Variants in CTCF observed in about 807,000 individuals in gnomAD.
CTCF encodes CCCTC-binding factor, also known as transcriptional repressor CTCF.
In CTCF, 7 loss-of-function variants were observed where a neutral mutation model predicts 72.3. The ratio of observed to expected loss-of-function variants is 0.10; its 90% confidence interval spans 0.06 to 0.18. CTCF has a LOEUF of 0.18. Among genes scored for constraint, CTCF ranks in the 10% least tolerant of loss-of-function variants. CTCF has a pLI of 1.00. For missense variants in CTCF, 516 were observed against 949.1 expected (o/e 0.54, Z 6.00); for synonymous variants, 374 against 315.8 (o/e 1.18, Z -1.95).
intron 2 of CTCF, among the ~76,000 whole-genome samples, chr16:67,610,350 C>CTTTTTTTTTTTTT (rs1158978403): frequency 8.2e-6 from 1 of 121,386 alleles, no homozygotes; most frequent in Non-Finnish European, 1.7e-5. Flanking sequence ...TTTTCTTTTT[C>CTTTTTTTTTTTTT]TTTTTTTTTT....
intron 2 of CTCF, among the ~76,000 whole-genome samples, chr16:67,583,951 A>G (rs1346834438): frequency 1.3e-5 from 2 of 152,166 alleles, no homozygotes; most frequent in Non-Finnish European, 1.5e-5. Flanking sequence ...AGTGGTGTGC[A>G]TAGCGAAAAC....
intron 2 of CTCF, among the ~76,000 whole-genome samples, chr16:67,574,129 C>A (rs185379184): frequency 3.5e-4 from 53 of 152,196 alleles, no homozygotes; most frequent in Admixed American, 3.5e-3. Context: ...ACCATCTACC[C>A]AAGATGGTGT....
At chr16:67,611,738 T>A (rs1290572213) in intron 3 of CTCF, 125 bp downstream of exon 3, 2 of 1,058,556 alleles carry the variant, frequency 1.9e-6, no homozygotes, top group Non-Finnish European at 1.4e-6. Context: ...GTACCGTTCT[T>A]TAAAACCAGT....
chr16:67,636,165 C>A (rs2052425129), intron 10 of CTCF, among the ~76,000 whole-genome samples: 1 of 152,116 alleles, frequency 6.6e-6, no homozygotes, highest in South Asian at 2.1e-4. Context: ...CACCTGAGGT[C>A]AGGAATTCAA....
chr16:67,625,277 GC>G (rs577655406), intron 7 of CTCF, among the ~76,000 whole-genome samples: 122 of 151,936 alleles, frequency 8.0e-4, no homozygotes, highest in African/African-American at 2.8e-3. Flanking sequence ...TGCAACCTCT[GC>G]CCCCCAGGTT....
At chr16:67,615,760 A>G (rs1429386947) in intron 4 of CTCF, 2 of 152,228 alleles carry the variant, frequency 1.3e-5, no homozygotes, top group African/African-American at 4.8e-5. Flanking sequence ...AAAGAATCGA[A>G]TGAACAAATG....
At chr16:67,604,840 A>G (rs2051951871) in intron 2 of CTCF, among the ~76,000 whole-genome samples, 1 of 144,474 alleles carries the variant, frequency 6.9e-6, no homozygotes, top group African/African-American at 2.6e-5. Flanking sequence ...TTATATTTCT[A>G]TTGAACAGTG....
intron 2 of CTCF, among the ~76,000 whole-genome samples, chr16:67,591,922 A>C (rs975233485): frequency 6.6e-6 from 1 of 151,950 alleles, no homozygotes; most frequent in Non-Finnish European, 1.5e-5. Flanking sequence ...TATGTTGCTC[A>C]GGCTGGTCTT....
intron 10 of CTCF, chr16:67,635,553 G>C (rs908732091): frequency 6.6e-6 from 1 of 151,348 alleles, no homozygotes; most frequent in African/African-American, 2.4e-5. Context: ...TGCAGTGGCG[G>C]ATCTCAGCTC....
chr16:67,623,977 G>A (rs1431049468), intron 7 of CTCF, among the ~76,000 whole-genome samples: 1 of 151,604 alleles, frequency 6.6e-6, no homozygotes, highest in African/African-American at 2.4e-5. Context: ...CAATCCGGGA[G>A]GGGGAGGTTG....
Position 67,607,058 on chromosome 16 carries a change from G to A in CTCF, c.-9-3766G>A, listed in dbSNP as rs578113798. ...TGCAACCTCCACCTCCCAGGTTCAA[G>A]CAATTCTTCTGCCTCGGCCTCCTGA... is the stretch of plus-strand genomic sequence containing the variant. On this transcript the variant is annotated intron_variant, in intron 2 of 11. Transcript: ENST00000264010. Among the ~76,000 whole-genome samples the A allele has an allele frequency of 3.6e-4, 55 of 152,018 alleles. No individual in the cohort carries two copies. The South Asian group carries it at 6.9e-3, about 19-fold the overall frequency.
intron 2 of CTCF, 76 bp from the exon 3 acceptor site, chr16:67,610,748 T>C (rs1461919225): frequency 1.1e-5 from 12 of 1,122,650 alleles, no homozygotes; most frequent in Non-Finnish European, 1.5e-5. Context: ...CCAAAGGGTC[T>C]TTTTGTTTTA....
intron 8 of CTCF, chr16:67,628,033 T>C (rs1269019536): frequency 4.9e-6 from 1 of 202,124 alleles, no homozygotes; most frequent in Non-Finnish European, 9.8e-6. Flanking sequence ...AGGTGGAGGT[T>C]GCAGCGAGCC....
chr16:67,582,430 T>C (rs949764502), intron 2 of CTCF, among the ~76,000 whole-genome samples: 9 of 152,076 alleles, frequency 5.9e-5, no homozygotes, highest in Non-Finnish European at 1.2e-4. Context: ...GGGTGGCTCA[T>C]GCCTGTAATC....
At chr16:67,616,686 ACT>A (rs2052135800) in intron 4 of CTCF, 57 bp from the exon 5 acceptor site, 2 of 1,593,732 alleles carry the variant, frequency 1.3e-6, no homozygotes, top group Non-Finnish European at 1.7e-6. Flanking sequence ...CACACATTGA[ACT>A]CTGTCATTAA....
chr16:67,579,633 C>T (rs183509577), intron 2 of CTCF, among the ~76,000 whole-genome samples: 58 of 152,226 alleles, frequency 3.8e-4, no homozygotes, highest in Non-Finnish European at 7.5e-4. Context: ...GCCCTGGCCT[C>T]CCAACTGCCC....
chr16:67,613,981 G>A (rs1209674728), intron 4 of CTCF, among the ~76,000 whole-genome samples: 1 of 152,080 alleles, frequency 6.6e-6, no homozygotes, highest in Non-Finnish European at 1.5e-5. Flanking sequence ...ATCAGTTTAT[G>A]GTGAGGAGTA....
At position 67,569,272 on chromosome 16, in the gene CTCF, G is replaced by A. The variant is rs189043186; in HGVS notation, c.-126-1876G>A. Among the ~76,000 whole-genome samples, 350 of 151,938 alleles carry A rather than the reference G, an allele frequency of 2.3e-3. 9 individuals carry two copies. The Middle Eastern group carries it at 0.044, about 19-fold the overall frequency. ...CACGATCTTGGCTCATTGCAGCTCC[G>A]CCTCCTGGGTTCAAACGATTCTCCT... is the stretch of plus-strand genomic sequence containing the variant. On this transcript the variant is annotated intron_variant, in intron 1 of 11. Coordinates refer to ENST00000264010, the MANE Select transcript of CTCF (RefSeq NM_006565.4).
intron 11 of CTCF, 84 bp downstream of exon 11, chr16:67,636,935 G>T: frequency 8.1e-7 from 1 of 1,241,804 alleles, no homozygotes; most frequent in Non-Finnish European, 1.1e-6. Context: ...CTTTGGGGAT[G>T]TGGGAACTAA....
Sources: allele counts gnomAD v4.1 joint callset (sites outside exome capture counted in the v4.1 genomes callset), GRCh38; gene constraint gnomAD v4.1.1; transcripts MANE v1.5; gene names NCBI Gene and HGNC (gene_info 2026-07-23, HGNC 2026-07-21).